Variants in ANKS1B observed in about 807,000 individuals in gnomAD.
ANKS1B encodes ankyrin repeat and sterile alpha motif domain containing 1B.
Under a neutral mutation model 148.3 loss-of-function variants are expected in ANKS1B, and 36 were observed. The observed-to-expected ratio is 0.24, with a 90% CI of 0.19 to 0.32. ANKS1B has a LOEUF of 0.32. Ranked by LOEUF, ANKS1B falls within the 10% of genes least tolerant of loss-of-function variation. The pLI is 1.00. For synonymous variants in ANKS1B, 542 were observed against 560.8 expected (o/e 0.97, Z 0.47); for missense variants, 1,157 against 1,542.6 (o/e 0.75, Z 4.19).
intron 8 of ANKS1B, among the ~76,000 whole-genome samples, chr12:99,737,353 C>A (rs2059704888): frequency 6.6e-6 from 1 of 152,002 alleles, no homozygotes. Context: ...TACTTGTTGT[C>A]CATAAACAAT....
intron 19 of ANKS1B, among the ~76,000 whole-genome samples, chr12:98,818,509 AG>A (rs1288074286): frequency 2.6e-5 from 4 of 152,212 alleles, no homozygotes; most frequent in Non-Finnish European, 4.4e-5. Context: ...GGGATGTTGC[AG>A]GGAATTTGAG....
At position 99,467,417 on chromosome 12, in the gene ANKS1B, T is replaced by C. The variant is rs184748582; in HGVS notation, c.1439-23608A>G. On this transcript the variant is annotated intron_variant, in intron 10 of 26. Transcript: ENST00000683438. ...CCTTTCTCACCACTCCTATTCAACA[T>C]AGTGTTGGAAGTTCTGGCCAGGGCA... Among the ~76,000 whole-genome samples the C allele has an allele frequency of 4.8e-3, 727 of 152,202 alleles. 8 individuals carry two copies. Among genetic ancestry groups the C allele is most frequent in the African/African-American group, 0.015 (626 of 41,522 alleles).
chr12:98,986,113 GT>G (rs2099923233), intron 17 of ANKS1B, among the ~76,000 whole-genome samples: 2 of 151,728 alleles, frequency 1.3e-5, no homozygotes, highest in Non-Finnish European at 2.9e-5. Context: ...TTGTTGTTCT[GT>G]GTATAATATT....
At chr12:99,428,535 G>A (rs778028857) in intron 11 of ANKS1B, among the ~76,000 whole-genome samples, 43 of 152,136 alleles carry the variant, frequency 2.8e-4, no homozygotes, top group Non-Finnish European at 5.0e-4. Flanking sequence ...TGTTTAGATC[G>A]AAATCACATT....
chr12:99,791,634 T>A, intron 4 of ANKS1B, among the ~76,000 whole-genome samples: 1 of 151,564 alleles, frequency 6.6e-6, no homozygotes, highest in South Asian at 2.1e-4. Context: ...CAGACAAAAA[T>A]TAAACAATAT....
intron 16 of ANKS1B, chr12:99,080,113 T>C (rs933134074): frequency 8.5e-5 from 13 of 152,262 alleles, no homozygotes; most frequent in African/African-American, 3.1e-4. Context: ...GGCGACGGAT[T>C]TGAACTGGAT....
intron 17 of ANKS1B, among the ~76,000 whole-genome samples, chr12:98,948,786 CAT>C (rs1435003190): frequency 6.7e-6 from 1 of 148,852 alleles, no homozygotes; most frequent in Non-Finnish European, 1.5e-5. Flanking sequence ...CACACACACA[CAT>C]GCTGGGATTT....
At chr12:99,906,353 ACT>A (rs1381157152) in intron 1 of ANKS1B, among the ~76,000 whole-genome samples, 1 of 152,130 alleles carries the variant, frequency 6.6e-6, no homozygotes, top group Non-Finnish European at 1.5e-5. Context: ...ATACCATATT[ACT>A]CTCTTTGTGA....
At chr12:99,159,063 G>A (rs2076371220) in intron 14 of ANKS1B, among the ~76,000 whole-genome samples, 1 of 152,076 alleles carries the variant, frequency 6.6e-6, no homozygotes, top group Admixed American at 6.6e-5. Context: ...TTACATATAG[G>A]GTAGAGGTTC....
At chr12:99,616,527 A>G (rs2097963313) in intron 9 of ANKS1B, among the ~76,000 whole-genome samples, 1 of 152,222 alleles carries the variant, frequency 6.6e-6, no homozygotes, top group African/African-American at 2.4e-5. Context: ...CCTGAAAAAA[A>G]CAAGCAATGG....
chr12:99,735,686 A>G (rs369945801), intron 8 of ANKS1B, among the ~76,000 whole-genome samples: 15 of 152,136 alleles, frequency 9.9e-5, no homozygotes, highest in African/African-American at 3.6e-4. Flanking sequence ...AAACATATAA[A>G]GAAGAACTAG....
At chr12:99,247,023 T>C (rs2073950252) in intron 12 of ANKS1B, among the ~76,000 whole-genome samples, 159 bp from the exon 13 acceptor site, 1 of 152,190 alleles carries the variant, frequency 6.6e-6, no homozygotes, top group Non-Finnish European at 1.5e-5. Flanking sequence ...CACAGTGCCA[T>C]GTATAGAATG....
At chr12:99,192,750 C>G (rs1351581849) in intron 14 of ANKS1B, among the ~76,000 whole-genome samples, 4 of 152,030 alleles carry the variant, frequency 2.6e-5, no homozygotes, top group Admixed American at 6.6e-5. Context: ...CTTACATTCT[C>G]TAGGTAAACA....
rs2097855639 is a variant in ANKS1B at position 98,745,318 on chromosome 12, C to T, written c.*421G>A. ...AGGGGTAGTGCTGCTCTGATTTCAC[C>T]TTTAAAACTGCTGACAGTGAAAGCA... On this transcript the variant is annotated 3_prime_UTR_variant, in exon 27 of 27. Transcript: ENST00000683438. 2 of 983,618 alleles carry T rather than the reference C, an allele frequency of 2.0e-6. No homozygotes were observed. Among genetic ancestry groups the T allele is most frequent in the Admixed American group, 6.3e-5 (1 of 15,818 alleles). The allele number at this position is 983,618 out of a possible 1,614,324, so 60.9% of individuals were successfully genotyped here.
chr12:99,707,039 G>C (rs2055905946), intron 8 of ANKS1B, among the ~76,000 whole-genome samples: 1 of 152,102 alleles, frequency 6.6e-6, no homozygotes, highest in Non-Finnish European at 1.5e-5. Flanking sequence ...ACGAAACTGT[G>C]AGATAATAAA....
chr12:98,795,572 AT>A (rs1440016827), intron 22 of ANKS1B: 7 of 435,254 alleles, frequency 1.6e-5, no homozygotes, highest in African/African-American at 4.1e-5. Context: ...AAAAGTTATT[AT>A]GTGGTTTTCT....
intron 14 of ANKS1B, among the ~76,000 whole-genome samples, chr12:99,238,987 C>T (rs1032409354): frequency 6.6e-6 from 1 of 152,124 alleles, no homozygotes; most frequent in East Asian, 1.9e-4. Context: ...GCTGAAAATT[C>T]CAAAAACCAG....
At chr12:99,321,838 A>G (rs553265606) in intron 12 of ANKS1B, among the ~76,000 whole-genome samples, 1 of 152,190 alleles carries the variant, frequency 6.6e-6, no homozygotes, top group African/African-American at 2.4e-5. Context: ...AATGGTAATT[A>G]TTAAAAAGTC....
intron 1 of ANKS1B, among the ~76,000 whole-genome samples, chr12:99,870,643 G>A (rs1411542200): frequency 1.3e-5 from 2 of 151,960 alleles, no homozygotes; most frequent in Non-Finnish European, 2.9e-5. Flanking sequence ...TACTCATTGT[G>A]GTTTTGATTT....
Sources: gnomAD v4.1 joint callset for allele counts (sites outside exome capture counted in the v4.1 genomes callset) on GRCh38, gnomAD v4.1.1 for gene constraint, MANE v1.5 for transcripts, NCBI Gene and HGNC (gene_info 2026-07-23, HGNC 2026-07-21) for gene names.